GP6: variants seen among roughly 807,000 people sequenced by gnomAD.
GP6 encodes glycoprotein VI platelet.
A neutral mutation model predicts 37.3 loss-of-function variants in GP6; 45 were observed. The observed-to-expected ratio is 1.21, with a 90% CI of 0.95 to 1.55. The LOEUF (loss-of-function observed/expected upper bound fraction) is 1.55. Among genes scored for constraint, GP6 ranks in the 40% most tolerant of loss-of-function variants. The pLI is 0.00. For missense variants in GP6, 813 were observed against 760.2 expected (o/e 1.07, Z -0.82); for synonymous variants, 340 against 316.4 (o/e 1.07, Z -0.79).
At position 55,032,286 on chromosome 19, in the gene GP6, C is replaced by A; in HGVS notation, c.178G>T (p.Glu60Ter). 1 of 1,614,176 alleles carries A rather than the reference C, an allele frequency of 6.2e-7. No individual in the cohort carries two copies. The highest frequency in any genetic ancestry group is 8.5e-7 in the Non-Finnish European group (1 of 1,180,036). Reference sequence around the variant, plus strand: ...TGGTACCTGCTGGAACTCAGCTTCTCCAGGCGGTACAGGTCCACGCCCGGA... The same window carrying A: ...TGGTACCTGCTGGAACTCAGCTTCTACAGGCGGTACAGGTCCACGCCCGGA... The change falls in exon 3 of 8, where the codon GAG becomes TAG. Residue 60 changes from glutamate to a stop codon, truncating the protein, a stop_gained. Transcript: ENST00000310373. LOFTEE classifies it high-confidence loss of function.
At chr19:55,025,101 A>C in intron 5 of GP6, 117 bp downstream of exon 5, 1 of 733,270 alleles carries the variant, frequency 1.4e-6, no homozygotes, top group Non-Finnish European at 2.5e-6. Context: ...TTTAAAACAA[A>C]GCAAATCTGT....
Position 55,027,875 on chromosome 19 carries a change from G to A in GP6, c.326-13C>T. 4 of 1,613,872 alleles carry A rather than the reference G, an allele frequency of 2.5e-6. No individual in the cohort carries two copies. In the South Asian group the frequency reaches 3.3e-5, roughly 13 times the overall value. On this transcript the variant is annotated splice_polypyrimidine_tract_variant and intron_variant, in intron 3 of 7. Coordinates refer to ENST00000310373, the MANE Select transcript of GP6 (RefSeq NM_001083899.2). ...TTGGCAAAAACTCCTGGGAGAAAAA[G>A]AAAGTCTGATGTTGAAGGCAGGAGC...
Position 55,033,218 on chromosome 19 carries a change from GGTGGACTCGTTCGTGTTAGACA to G in GP6, c.35-702_35-681del, listed in dbSNP as rs1443096122. On this transcript the variant is annotated intron_variant, in intron 1 of 7. Transcript: ENST00000310373. The stretch of plus-strand genomic sequence containing the variant: ...GACTCCTTCGTGTTGTGTTAGACAC[GGTGGACTCGTTCGTGTTAGACA>G]CGGTGGACTCGTTCGTGTTAGACAC... Among the ~76,000 whole-genome samples, 5 of 105,278 alleles carry G rather than the reference GGTGGACTCGTTCGTGTTAGACA, an allele frequency of 4.7e-5. 2 individuals are homozygous for G. The highest frequency in any genetic ancestry group is 6.5e-4 in the East Asian group (2 of 3,076). 69.1% of individuals were successfully genotyped at this position (105,278 alleles called of 152,430 possible).
At chr19:55,033,625 T>C (rs753183523) in intron 1 of GP6, among the ~76,000 whole-genome samples, 3 of 152,232 alleles carry the variant, frequency 2.0e-5, no homozygotes. Flanking sequence ...TGTCCCTTCG[T>C]TTCCTCCCTT....
In GP6 at chr19:55,018,509, G is replaced by A. The variant is rs1435650961; in HGVS notation, c.724+143C>T. 3.9e-6 allele frequency: 3 copies of A among 760,260 alleles called. No individual in the cohort carries two copies. The Admixed American group carries it at 5.4e-5, about 14-fold the overall frequency. 47.1% of individuals were successfully genotyped at this position (760,260 alleles called of 1,614,324 possible). ...CCCCAGAGCTCCACTCTGCACCCAT[G>A]CTCTAGCCTCACACCAAGGACTTTC... On this transcript the variant is annotated intron_variant, in intron 6 of 7. Coordinates refer to ENST00000310373, the MANE Select transcript of GP6 (RefSeq NM_001083899.2).
chr19:55,014,981 T>C lies in GP6; in HGVS notation c.964A>G (p.Ile322Val). 1 of 1,613,564 alleles carries C rather than the reference T, an allele frequency of 6.2e-7. No individual in the cohort carries two copies. The highest frequency in any genetic ancestry group is 1.1e-5 in the South Asian group (1 of 91,002). ...GGCCTCCATCCTGACCCCCGTTTGATTTCCGGGTCAGCGGGAGGGGCGGGA... is the reference window on the plus strand; with the variant it reads ...GGCCTCCATCCTGACCCCCGTTTGACTTCCGGGTCAGCGGGAGGGGCGGGA... The change falls in exon 8 of 8, where the codon ATC (isoleucine) becomes GTC (valine). Residue 322 changes from isoleucine to valine, a missense_variant. By Grantham distance (29) the Ile-to-Val change is conservative. Coordinates refer to ENST00000310373, the MANE Select transcript of GP6 (RefSeq NM_001083899.2).
rs1187685646 is a variant in GP6 at position 55,017,419 on chromosome 19, AT to A, written c.724+1232del. Among the ~76,000 whole-genome samples, 4 of 152,122 alleles carry A rather than the reference AT, an allele frequency of 2.6e-5. 1 individual carries two copies. Among genetic ancestry groups the A allele is most frequent in the African/African-American group, 4.8e-5 (2 of 41,436 alleles). On this transcript the variant is annotated intron_variant, in intron 6 of 7. Coordinates refer to ENST00000310373, the MANE Select transcript of GP6 (RefSeq NM_001083899.2). ...GCGATAATTTTAATATACTGTAAAA[AT>A]TGCTGTAATAGGCAGCCCACAAGAC... is the stretch of plus-strand genomic sequence containing the variant.
chr19:55,029,224 T>C lies in GP6; in HGVS notation c.326-1362A>G, dbSNP rs76347662. On this transcript the variant is annotated intron_variant, in intron 3 of 7. Coordinates refer to ENST00000310373, the MANE Select transcript of GP6 (RefSeq NM_001083899.2). ...TAAGCAACTATTATGTGTCTGTCTG[T>C]ATTCTTTTTTTGTTGTTTCATTTGT... is the stretch of plus-strand genomic sequence containing the variant. Among the ~76,000 whole-genome samples, 602 of 137,340 alleles carry C rather than the reference T, an allele frequency of 4.4e-3. 19 individuals carry two copies. The highest frequency in any genetic ancestry group is 0.015 in the African/African-American group (571 of 37,874). The allele number at this position is 137,340 out of a possible 152,430, so 90.1% of individuals were successfully genotyped here. A position where few individuals can be genotyped will look rare whatever the true frequency, so the allele number is the denominator to read the frequency against.
rs200019444 is a variant in GP6, at chr19:55,014,899, G to A, written c.1046C>T (p.Ser349Leu). The change falls in exon 8 of 8, where the codon TCG becomes TTG. Residue 349 changes from serine (S) to leucine (L), a missense_variant. By Grantham distance (145) the Ser-to-Leu change is moderately radical. Transcript: ENST00000310373. ...ATGCCATGATCCCTCCCTTGGATAC[G>A]ACCGTGCCTGGGGTTCAGCGGTCAT... 1.6e-5 allele frequency: 26 copies of A among 1,613,698 alleles called. No individual in the cohort carries two copies. Among genetic ancestry groups the A allele is most frequent in the East Asian group, 2.2e-5 (1 of 44,868 alleles).
intron 5 of GP6, among the ~76,000 whole-genome samples, chr19:55,024,272 GCATGCA>G (rs1277429564): frequency 2.8e-5 from 1 of 35,280 alleles, no homozygotes. Context: ...ACATATGCAC[GCATGCA>G]CACACACACA....
intron 1 of GP6, among the ~76,000 whole-genome samples, chr19:55,037,577 C>T (rs997431801): frequency 2.1e-4 from 32 of 150,634 alleles, no homozygotes; most frequent in African/African-American, 7.8e-4. Context: ...CCTCAGATGG[C>T]CCACCCGCCT....
chr19:55,028,021 C>T (rs1337108670), intron 3 of GP6, among the ~76,000 whole-genome samples, 159 bp from the exon 4 acceptor site: 3 of 152,152 alleles, frequency 2.0e-5, no homozygotes, highest in Non-Finnish European at 2.9e-5. Flanking sequence ...GTCGAGTCAC[C>T]CAGTGGTTGA....
intron 5 of GP6, among the ~76,000 whole-genome samples, chr19:55,021,796 CG>C: frequency 6.6e-6 from 1 of 151,898 alleles, no homozygotes. Flanking sequence ...CTGGGATTAC[CG>C]GCGTGAGCCA....
At position 55,014,165 on chromosome 19, in the gene GP6, G is replaced by A. The variant is rs1403375676; in HGVS notation, c.1780C>T (p.His594Tyr). Residue 594 changes from histidine to tyrosine, a missense_variant, in exon 8 of 8, where the codon CAC (histidine) becomes TAC (tyrosine). By Grantham distance (83) the His-to-Tyr change is moderately conservative. Coordinates refer to ENST00000310373, the MANE Select transcript of GP6 (RefSeq NM_001083899.2). Reference sequence around the variant, plus strand: ...GTCACCCGAGCTAGAGTGCAGTGGTGTGATCTCAGCTCACTGCAACCTCTG... The same window carrying A: ...GTCACCCGAGCTAGAGTGCAGTGGTATGATCTCAGCTCACTGCAACCTCTG... 3 of 702,040 alleles carry A rather than the reference G, an allele frequency of 4.3e-6. No individual in the cohort carries two copies. Among genetic ancestry groups the A allele is most frequent in the African/African-American group, 1.7e-5 (1 of 57,324 alleles). 43.5% of individuals were successfully genotyped at this position (702,040 alleles called of 1,614,324 possible).
chr19:55,015,382 C>G (rs1008881123), intron 7 of GP6, among the ~76,000 whole-genome samples: 3 of 152,228 alleles, frequency 2.0e-5, no homozygotes, highest in Admixed American at 6.5e-5. Context: ...TCACAGGGCT[C>G]TGAGACAACT....
chr19:55,037,529 G>A (rs915039693), intron 1 of GP6, among the ~76,000 whole-genome samples: 23 of 149,714 alleles, frequency 1.5e-4, no homozygotes, highest in Non-Finnish European at 3.1e-4. Flanking sequence ...TAGAGATGGG[G>A]TTTCTCCATG....
Position 55,016,640 on chromosome 19 carries a change from C to A in GP6, c.725-907G>T, listed in dbSNP as rs556979189. On this transcript the variant is annotated intron_variant, in intron 6 of 7. Transcript: ENST00000310373. ...CCGCCCGCCTAGGCCTCCCAAAGTGCTGGGATTACAGGCGTGAGCCACTGC... is the reference window on the plus strand; with the variant it reads ...CCGCCCGCCTAGGCCTCCCAAAGTGATGGGATTACAGGCGTGAGCCACTGC... Among the ~76,000 whole-genome samples the A allele has an allele frequency of 5.9e-5, 9 of 152,046 alleles. No individual in the cohort carries two copies. The East Asian group carries it at 1.8e-3, about 30-fold the overall frequency.
chr19:55,030,704 C>G (rs904167994), intron 3 of GP6, among the ~76,000 whole-genome samples: 1 of 151,836 alleles, frequency 6.6e-6, no homozygotes, highest in African/African-American at 2.4e-5. Context: ...TTGCACCAAT[C>G]AAGAGTCTAA....
rs1287210753 is a variant in GP6 at position 55,014,642 on chromosome 19, C to T, written c.1303G>A (p.Gly435Ser). The change falls in exon 8 of 8, where the codon GGC (glycine) becomes AGC (serine). Residue 435 changes from glycine to serine, a missense_variant. Coordinates refer to ENST00000310373, the MANE Select transcript of GP6 (RefSeq NM_001083899.2). ...GAAAGAGGCCAGTATGTGGTCCAGC[C>T]AGGGTACCATGTCATCCACAGTGTG... 1 of 1,614,130 alleles carries T rather than the reference C, an allele frequency of 6.2e-7. No homozygotes were observed. The highest frequency in any genetic ancestry group is 1.1e-5 in the South Asian group (1 of 91,078).
Sources: gnomAD v4.1 joint callset for allele counts (sites outside exome capture counted in the v4.1 genomes callset) on GRCh38, gnomAD v4.1.1 for gene constraint, MANE v1.5 for transcripts, NCBI Gene and HGNC (gene_info 2026-07-23, HGNC 2026-07-21) for gene names.